Variants in ERLEC1 observed in about 807,000 individuals in gnomAD.
ERLEC1 encodes endoplasmic reticulum lectin 1, also known as ER lectin.
A neutral mutation model predicts 68.0 loss-of-function variants in ERLEC1; 47 were observed. The ratio of observed to expected loss-of-function variants is 0.69; its 90% CI spans 0.55 to 0.88. The LOEUF is 0.88. Among genes scored for constraint, ERLEC1 ranks in the 40% least tolerant of loss-of-function variants. The pLI, the probability that ERLEC1 is intolerant of heterozygous loss-of-function variation, is 0.00. For missense variants in ERLEC1, 567 were observed against 583.8 expected (o/e 0.97, Z 0.30); for synonymous variants, 225 against 203.2 (o/e 1.11, Z -0.91).
At chr2:53,802,604 C>T (rs1210576958) in intron 8 of ERLEC1, among the ~76,000 whole-genome samples, 1 of 152,182 alleles carries the variant, frequency 6.6e-6, no homozygotes, top group African/African-American at 2.4e-5. Flanking sequence ...TGTGTTTAAT[C>T]TCTTGGTAGT....
intron 8 of ERLEC1, among the ~76,000 whole-genome samples, chr2:53,803,517 A>T (rs1363057828): frequency 6.6e-6 from 1 of 151,838 alleles, no homozygotes; most frequent in East Asian, 1.9e-4. Flanking sequence ...TAATCCCAAC[A>T]CTTTGGGAGG....
rs1170215609 is a variant in ERLEC1 at position 53,801,409 on chromosome 2, A to G, written c.538A>G (p.Asn180Asp). 1.2e-6 allele frequency: 2 copies of G among 1,613,638 alleles called. No individual in the cohort carries two copies. The highest frequency in any genetic ancestry group is 8.5e-7 in the Non-Finnish European group (1 of 1,179,742). Reference sequence around the variant, plus strand: ...CTTTTTTTTTAAGATTCCCACTAAAAATATCGAAGGTCAGATGACACCATA... The same window carrying G: ...CTTTTTTTTTAAGATTCCCACTAAAGATATCGAAGGTCAGATGACACCATA... ...KEKSNEIPTK[N>D]IEGQMTPYYP... The change falls in exon 7 of 14, where the codon AAT (asparagine) becomes GAT (aspartate). Residue 180 changes from asparagine to aspartate, a missense_variant. Physicochemically the swap from Asn to Asp is conservative, Grantham distance 23 (BLOSUM62 1). Coordinates refer to ENST00000185150, the MANE Select transcript of ERLEC1 (RefSeq NM_015701.5).
At chr2:53,815,001 T>TC in intron 13 of ERLEC1, 66 bp downstream of exon 13, 1 of 937,388 alleles carries the variant, frequency 1.1e-6, no homozygotes, top group Non-Finnish European at 1.6e-6. Flanking sequence ...TTTTCTTTTT[T>TC]TTTTTTTTTT....
intron 5 of ERLEC1, among the ~76,000 whole-genome samples, chr2:53,798,656 A>G (rs773284887): frequency 5.9e-5 from 9 of 151,586 alleles, no homozygotes; most frequent in Non-Finnish European, 1.3e-4. Context: ...AGTGTTATAT[A>G]TAAGTGTTAG....
Position 53,794,452 on chromosome 2 carries a change from AAGTTTTTATAAATAT to A in ERLEC1, c.267+5_267+19del. ...CCCTTGTGACAAGTGGGGATGAGGT[AAGTTTTTATAAATAT>A]ATTGATAATCCTGTCACCAAAAATA... On this transcript the variant is annotated splice_donor_5th_base_variant and intron_variant, in intron 2 of 13. Coordinates refer to ENST00000185150, the MANE Select transcript of ERLEC1 (RefSeq NM_015701.5). The A allele has an allele frequency of 7.3e-7, 1 of 1,365,526 alleles. No individual in the cohort carries two copies. Among genetic ancestry groups the A allele is most frequent in the Non-Finnish European group, 1.0e-6 (1 of 972,016 alleles). 84.6% of individuals were successfully genotyped at this position (1,365,526 alleles called of 1,614,324 possible).
rs1558586656 is a variant in ERLEC1 at position 53,787,384 on chromosome 2, CACTA to C, written c.162+15_162+18del. On this transcript the variant is annotated intron_variant, in intron 1 of 13. Transcript: ENST00000185150. The stretch of plus-strand genomic sequence containing the variant: ...CCGAGTTCTCTCTGGTCAGTGCCCT[CACTA>C]ACCCCGCAGCCACCCCTCCTCCTGA... The C allele has an allele frequency of 1.9e-6, 3 of 1,599,764 alleles. No individual in the cohort carries two copies. The highest frequency in any genetic ancestry group is 2.6e-6 in the Non-Finnish European group (3 of 1,172,526).
At position 53,801,535 on chromosome 2, in the gene ERLEC1, G is replaced by A; in HGVS notation, c.664G>A (p.Glu222Lys). 1 of 1,614,126 alleles carries A rather than the reference G, an allele frequency of 6.2e-7. No individual in the cohort carries two copies. Among genetic ancestry groups the A allele is most frequent in the Non-Finnish European group, 8.5e-7 (1 of 1,180,002 alleles). The change falls in exon 7 of 14, where the codon GAA becomes AAA. Residue 222 changes from glutamate to lysine, a missense_variant. Transcript: ENST00000185150. ...CATATGTCATCCTGAATCTAAGCAT[G>A]AAATTCTTTCAGTAGCTGAAGTTAC... ...MYICHPESKH[E>K]ILSVAEVTTC...
At chr2:53,787,954 T>G (rs1250609984) in intron 1 of ERLEC1, among the ~76,000 whole-genome samples, 1 of 152,212 alleles carries the variant, frequency 6.6e-6, no homozygotes, top group Non-Finnish European at 1.5e-5. Flanking sequence ...CTTTACAGTT[T>G]TCATGTATTA....
chr2:53,788,643 G>A (rs369739973), intron 1 of ERLEC1: 7 of 151,394 alleles, frequency 4.6e-5, no homozygotes, highest in Admixed American at 2.0e-4. Context: ...AGCAATCCTC[G>A]TGCCTGAGCC....
At chr2:53,800,891 A>C (rs1348177727) in intron 6 of ERLEC1, among the ~76,000 whole-genome samples, 2 of 152,172 alleles carry the variant, frequency 1.3e-5, no homozygotes, top group Non-Finnish European at 2.9e-5. Flanking sequence ...TTGATGAACC[A>C]GTCAGTACTG....
rs1677030604 is a variant in ERLEC1, at chr2:53,818,764, T to TTTA, written c.*798_*800dup. The TTTA allele has an allele frequency of 6.6e-6, 1 of 152,218 alleles. No individual in the cohort carries two copies. Among genetic ancestry groups the TTTA allele is most frequent in the Non-Finnish European group, 1.5e-5 (1 of 68,042 alleles). 9.4% of individuals were successfully genotyped at this position (152,218 alleles called of 1,614,324 possible). A position where few individuals can be genotyped will look rare whatever the true frequency, so the allele number is the denominator to read the frequency against. ...CTTCTGAACAGTTTACAGCACAATATTTATTTTAAAGTGAATAAAATGTCC... is the reference window on the plus strand; with the variant it reads ...CTTCTGAACAGTTTACAGCACAATATTTATTATTTTAAAGTGAATAAAATGTCC... On this transcript the variant is annotated 3_prime_UTR_variant, in exon 14 of 14. Transcript: ENST00000185150.
chr2:53,813,159 T>G, intron 11 of ERLEC1, 86 bp downstream of exon 11: 1 of 1,494,406 alleles, frequency 6.7e-7, no homozygotes, highest in East Asian at 2.3e-5. Context: ...ATTCAAACAT[T>G]TAAGTAAAAT....
chr2:53,804,631 GA>G (rs1676181753), intron 8 of ERLEC1, among the ~76,000 whole-genome samples: 1 of 152,140 alleles, frequency 6.6e-6, no homozygotes, highest in South Asian at 2.1e-4. Context: ...ACATCTTGGA[GA>G]ATGAGGTAGC....
intron 1 of ERLEC1, among the ~76,000 whole-genome samples, chr2:53,789,316 C>T (rs1675257201): frequency 6.7e-6 from 1 of 150,296 alleles, no homozygotes; most frequent in Non-Finnish European, 1.5e-5. Flanking sequence ...ATCGCTTAAA[C>T]CCGGGAGGTG....
chr2:53,794,386 C>T lies in ERLEC1; in HGVS notation c.204C>T (p.Ile68=). Residue 68 remains isoleucine (I), a synonymous_variant, in exon 2 of 14, where the codon ATC becomes ATT. Coordinates refer to ENST00000185150, the MANE Select transcript of ERLEC1 (RefSeq NM_015701.5). ...GVLYKEDNYV[I]MTTAHKEKYK... Reference sequence around the variant, plus strand: ...TATATAAAGAAGATAATTATGTCATCATGACAACTGCACATAAAGAAAAAT... The same window carrying T: ...TATATAAAGAAGATAATTATGTCATTATGACAACTGCACATAAAGAAAAAT... 1 of 1,587,894 alleles carries T rather than the reference C, an allele frequency of 6.3e-7. No homozygotes were observed. The highest frequency in any genetic ancestry group is 1.2e-5 in the South Asian group (1 of 86,916).
In ERLEC1 at chr2:53,810,269, A is replaced by G. The variant is rs372365300; in HGVS notation, c.1101+996A>G. On this transcript the variant is annotated intron_variant, in intron 10 of 13. Transcript: ENST00000185150. ...AGGATCACTTGAGGCCAGGAGTTCA[A>G]GAGCAGCCTGGGCAACATAGCAAAA... Among the ~76,000 whole-genome samples the G allele has an allele frequency of 1.2e-4, 19 of 152,336 alleles. No homozygotes were observed. In the East Asian group the frequency reaches 1.9e-3, roughly 15 times the overall value.
intron 3 of ERLEC1, among the ~76,000 whole-genome samples, chr2:53,796,366 A>T (rs985294859): frequency 1.3e-5 from 2 of 150,034 alleles, no homozygotes; most frequent in Admixed American, 1.3e-4. Context: ...GCTCCCATTT[A>T]TATAAATGAG....
intron 13 of ERLEC1, among the ~76,000 whole-genome samples, chr2:53,817,138 AT>A (rs5831282): frequency 0.51 from 72,066 of 141,148 alleles, 17,649 homozygotes; most frequent in South Asian, 0.61. Flanking sequence ...TTATTTACTT[AT>A]TTTTTTTTTT....
chr2:53,810,031 A>G (rs1173345962), intron 10 of ERLEC1, among the ~76,000 whole-genome samples: 2 of 152,222 alleles, frequency 1.3e-5, no homozygotes, highest in Non-Finnish European at 2.9e-5. Context: ...AGCTTGAGCA[A>G]CAGAGCGAGA....
Sources: gnomAD v4.1 joint callset for allele counts (sites outside exome capture counted in the v4.1 genomes callset) on GRCh38, gnomAD v4.1.1 for gene constraint, MANE v1.5 for transcripts, NCBI Gene and HGNC (gene_info 2026-07-23, HGNC 2026-07-21) for gene names.